CRB1: variants seen among roughly 807,000 people sequenced by gnomAD.
The protein encoded by CRB1 is protein crumbs homolog 1.
A neutral mutation model predicts 120.0 loss-of-function variants in CRB1; 83 were observed. The ratio of observed to expected loss-of-function variants is 0.69; its 90% CI spans 0.58 to 0.83. CRB1 has a LOEUF of 0.83. Ranked by LOEUF, CRB1 falls within the 40% of genes least tolerant of loss-of-function variation. The probability of loss-of-function intolerance (pLI) is 0.00; values close to 1 mark genes in which losing one functional copy is unlikely to be tolerated. For missense variants in CRB1, 1,699 were observed against 1,687.6 expected, an observed-to-expected ratio of 1.01 and a Z score of -0.12; for synonymous variants, 625 against 612.5, an observed-to-expected ratio of 1.02 and a Z score of -0.30.
At chr1:197,460,924 TA>T (rs1184162027) in intron 11 of CRB1, among the ~76,000 whole-genome samples, 2 of 152,166 alleles carry the variant, frequency 1.3e-5, no homozygotes, top group Non-Finnish European at 2.9e-5. Context: ...AGAACAGGTC[TA>T]GGGGCAAATA....
At chr1:197,469,843 T>C (rs537844101) in intron 11 of CRB1, among the ~76,000 whole-genome samples, 2 of 152,304 alleles carry the variant, frequency 1.3e-5, no homozygotes, top group African/African-American at 4.8e-5. Context: ...GTTTCCATTC[T>C]AGATACGAGG....
At chr1:197,266,237 T>C (rs1049570654), upstream of CRB1, among the ~76,000 whole-genome samples, 2 of 152,056 alleles carry the variant, frequency 1.3e-5, no homozygotes, top group Non-Finnish European at 2.9e-5. Context: ...GAAATTGACT[T>C]CTTATAATTT....
intron 4 of CRB1, among the ~76,000 whole-genome samples, chr1:197,353,586 A>C (rs913172961): frequency 6.6e-6 from 1 of 152,128 alleles, no homozygotes; most frequent in Non-Finnish European, 1.5e-5. Context: ...GGATCACCTA[A>C]GGTCAGGAGC....
At chr1:197,390,337 T>A (rs1402952588) in intron 5 of CRB1, among the ~76,000 whole-genome samples, 2 of 151,706 alleles carry the variant, frequency 1.3e-5, no homozygotes, top group Non-Finnish European at 2.9e-5. Context: ...TCAGAGGAGG[T>A]AAATGGATGA....
At chr1:197,346,813 C>T (rs913181328) in intron 3 of CRB1, among the ~76,000 whole-genome samples, 1 of 152,126 alleles carries the variant, frequency 6.6e-6, no homozygotes, top group Non-Finnish European at 1.5e-5. Context: ...AAGAGAACAT[C>T]GTAAGTCACA....
intron 11 of CRB1, among the ~76,000 whole-genome samples, chr1:197,445,869 C>T (rs1010340825): frequency 6.6e-6 from 1 of 152,132 alleles, no homozygotes; most frequent in Admixed American, 6.5e-5. Context: ...ACAATGCTTG[C>T]TCAAAATAAG....
intron 5 of CRB1, among the ~76,000 whole-genome samples, chr1:197,386,666 C>A (rs969935743): frequency 2.6e-5 from 4 of 152,106 alleles, no homozygotes; most frequent in African/African-American, 9.7e-5. Flanking sequence ...CTTAATATAG[C>A]CATCACGTGC....
chr1:197,304,620 A>C (rs543829642), intron 1 of CRB1, among the ~76,000 whole-genome samples: 115 of 152,348 alleles, frequency 7.5e-4, no homozygotes, highest in African/African-American at 2.5e-3. Context: ...CTTTCCTTGC[A>C]GTAGGGTTCT....
intron 6 of CRB1, among the ~76,000 whole-genome samples, chr1:197,425,968 A>T (rs537776518): frequency 5.3e-5 from 8 of 151,854 alleles, no homozygotes; most frequent in African/African-American, 1.9e-4. Context: ...AACAAATCCC[A>T]CATTATCAGA....
intron 5 of CRB1, among the ~76,000 whole-genome samples, chr1:197,386,302 A>AGG (rs1662215771): frequency 6.6e-6 from 1 of 152,174 alleles, no homozygotes; most frequent in African/African-American, 2.4e-5. Context: ...CCTGGCACAT[A>AGG]GTAAGAGCTT....
Position 197,367,494 on chromosome 1 carries a change from A to G in CRB1, c.1171+10481A>G, listed in dbSNP as rs972397641. On this transcript the variant is annotated intron_variant, in intron 5 of 11. Coordinates refer to ENST00000367400, the MANE Select transcript of CRB1 (RefSeq NM_201253.3). Reference sequence around the variant, plus strand: ...TTTTGAAGTACAAATCAACGTTACTACTGAAACTTTTACAAGGATCTCATG... The same window carrying G: ...TTTTGAAGTACAAATCAACGTTACTGCTGAAACTTTTACAAGGATCTCATG... 2.6e-5 allele frequency among the ~76,000 whole-genome samples: 4 copies of G among 152,344 alleles called. No individual in the cohort carries two copies. The South Asian group carries it at 8.3e-4, about 32-fold the overall frequency.
intron 3 of CRB1, 52 bp from the exon 4 acceptor site, chr1:197,347,288 T>C: frequency 2.0e-6 from 3 of 1,511,970 alleles, no homozygotes; most frequent in Non-Finnish European, 2.8e-6. Flanking sequence ...TATAAAGATA[T>C]CTGATCTCAA....
intron 1 of CRB1, among the ~76,000 whole-genome samples, chr1:197,323,173 C>T (rs753223515): frequency 7.2e-5 from 11 of 152,014 alleles, no homozygotes; most frequent in African/African-American, 1.2e-4. Context: ...AACTAGAGTT[C>T]GAAGGGCTGT....
At chr1:197,316,815 A>G (rs74721829) in intron 1 of CRB1, among the ~76,000 whole-genome samples, 11,408 of 152,022 alleles carry the variant, frequency 0.075, 1,469 homozygotes, top group African/African-American at 0.26. Context: ...GTTTCAAGAT[A>G]TAAAATCAAC....
At chr1:197,387,376 G>A (rs1045133458) in intron 5 of CRB1, among the ~76,000 whole-genome samples, 1 of 151,986 alleles carries the variant, frequency 6.6e-6, no homozygotes, top group African/African-American at 2.4e-5. Flanking sequence ...AATTCTTTTG[G>A]ACACTGTTTG....
At chr1:197,271,369 T>C (rs1654899031) in intron 1 of CRB1, among the ~76,000 whole-genome samples, 2 of 152,302 alleles carry the variant, frequency 1.3e-5, no homozygotes, top group East Asian at 1.9e-4. Context: ...CTTGCTCAGC[T>C]ACCAGGGGAA....
chr1:197,353,399 T>C (rs1442174335), intron 4 of CRB1, among the ~76,000 whole-genome samples: 1 of 152,230 alleles, frequency 6.6e-6, no homozygotes, highest in Non-Finnish European at 1.5e-5. Flanking sequence ...ACACATACTA[T>C]GATTTAGTTT....
At chr1:197,214,128 G>GA in the CRB1 span, among the ~76,000 whole-genome samples, 13 of 149,190 alleles carry the variant, frequency 8.7e-5, no homozygotes, top group South Asian at 6.4e-4. Context: ...TTGCGAAGGA[G>GA]AAAAAAAAAG....
the CRB1 span, among the ~76,000 whole-genome samples, chr1:197,251,317 T>C: frequency 6.6e-6 from 1 of 152,012 alleles, no homozygotes; most frequent in South Asian, 2.1e-4. Context: ...TGGTTGTTGT[T>C]GTTGTCTTTG....
Sources: allele counts gnomAD v4.1 joint callset (sites outside exome capture counted in the v4.1 genomes callset), GRCh38; gene constraint gnomAD v4.1.1; transcripts MANE v1.5; gene names NCBI Gene and HGNC (gene_info 2026-07-23, HGNC 2026-07-21).